Variants in LRRC4C observed in about 807,000 individuals in gnomAD.
LRRC4C encodes leucine rich repeat containing 4C.
Under a neutral mutation model 33.6 loss-of-function variants are expected in LRRC4C, and 5 were observed. That is an observed-to-expected ratio of 0.15 (90% CI 0.08 to 0.31). The LOEUF (loss-of-function observed/expected upper bound fraction) is 0.31, where lower values mean the gene tolerates loss of function less well. LRRC4C is among the 10% of genes least tolerant of loss of function. The pLI is 1.00. For synonymous variants in LRRC4C, 329 were observed against 302.0 expected (o/e 1.09, Z -0.93); for missense variants, 560 against 796.7 (o/e 0.70, Z 3.58).
chr11:41,245,318 C>T (rs1472860660), intron 1 of LRRC4C, among the ~76,000 whole-genome samples: 1 of 152,132 alleles, frequency 6.6e-6, no homozygotes, highest in Admixed American at 6.5e-5. Context: ...TGGCCTGGAT[C>T]CCATGCTTGT....
intron 3 of LRRC4C, among the ~76,000 whole-genome samples, chr11:40,524,935 G>C (rs1473153904): frequency 2.0e-5 from 3 of 152,260 alleles, no homozygotes; most frequent in Non-Finnish European, 2.9e-5. Flanking sequence ...TAAATAGAGA[G>C]ATGTTATCTA....
intron 6 of LRRC4C, among the ~76,000 whole-genome samples, chr11:40,125,846 C>T (rs1590438887): frequency 6.6e-6 from 1 of 152,174 alleles, no homozygotes; most frequent in East Asian, 1.9e-4. Context: ...AGGTAACACA[C>T]TTCTTCAAGT....
intron 2 of LRRC4C, among the ~76,000 whole-genome samples, chr11:40,756,064 G>A (rs1948931476): frequency 6.6e-6 from 1 of 152,008 alleles, no homozygotes; most frequent in African/African-American, 2.4e-5. Flanking sequence ...TGCCTAAAGG[G>A]AAGATCCTGG....
intron 3 of LRRC4C, among the ~76,000 whole-genome samples, chr11:40,548,789 C>A (rs1957024507): frequency 6.6e-6 from 1 of 152,074 alleles, no homozygotes. Flanking sequence ...CATTTTACAA[C>A]AACCCTATGT....
chr11:40,246,119 G>A (rs1381491511), intron 4 of LRRC4C, among the ~76,000 whole-genome samples: 1 of 151,736 alleles, frequency 6.6e-6, no homozygotes, highest in Non-Finnish European at 1.5e-5. Context: ...GACTACAGGT[G>A]TCCGCCACCA....
At chr11:40,303,151 GAAC>G (rs769457625) in intron 4 of LRRC4C, among the ~76,000 whole-genome samples, 6 of 152,254 alleles carry the variant, frequency 3.9e-5, no homozygotes, top group Non-Finnish European at 7.4e-5. Context: ...AATCAGAGAA[GAAC>G]AACGGAAAAC....
chr11:40,389,320 T>C (rs1271042917), intron 3 of LRRC4C, among the ~76,000 whole-genome samples: 1 of 152,144 alleles, frequency 6.6e-6, no homozygotes, highest in Non-Finnish European at 1.5e-5. Flanking sequence ...ATTGTTAATT[T>C]CATACCCAAC....
intron 1 of LRRC4C, among the ~76,000 whole-genome samples, chr11:41,151,908 G>T (rs1468582113): frequency 6.6e-6 from 1 of 152,178 alleles, no homozygotes; most frequent in Non-Finnish European, 1.5e-5. Context: ...AAAAAGTTCA[G>T]CACAGAATAC....
At chr11:40,657,986 G>C (rs1943218695) in intron 2 of LRRC4C, among the ~76,000 whole-genome samples, 1 of 152,170 alleles carries the variant, frequency 6.6e-6, no homozygotes, top group African/African-American at 2.4e-5. Context: ...TTTTCACATG[G>C]AAGTAGGTAC....
At chr11:40,770,832 C>A (rs1324897030) in intron 2 of LRRC4C, among the ~76,000 whole-genome samples, 3 of 152,166 alleles carry the variant, frequency 2.0e-5, no homozygotes, top group Admixed American at 6.5e-5. Context: ...ACATCCAGGT[C>A]ACACTGATGG....
At chr11:40,366,216 C>T (rs1186383836) in intron 3 of LRRC4C, among the ~76,000 whole-genome samples, 1 of 152,056 alleles carries the variant, frequency 6.6e-6, no homozygotes, top group Non-Finnish European at 1.5e-5. Flanking sequence ...ACCAGTATAA[C>T]ATATGCTTTC....
At chr11:40,161,642 C>T (rs991306759) in intron 5 of LRRC4C, among the ~76,000 whole-genome samples, 17 of 152,172 alleles carry the variant, frequency 1.1e-4, no homozygotes, top group African/African-American at 3.6e-4. Flanking sequence ...GTAGTCCTAA[C>T]TACTCGGGAG....
At chr11:40,655,518 T>C (rs561478707) in intron 2 of LRRC4C, among the ~76,000 whole-genome samples, 48 of 152,326 alleles carry the variant, frequency 3.2e-4, no homozygotes, top group Middle Eastern at 6.8e-3. Context: ...AGGAAAATAC[T>C]AGAAGAGATC....
chr11:40,549,770 A>G (rs920381014), intron 3 of LRRC4C, among the ~76,000 whole-genome samples: 1 of 152,152 alleles, frequency 6.6e-6, no homozygotes, highest in East Asian at 1.9e-4. Flanking sequence ...TGTCAGAAGA[A>G]AAAAAGTGAA....
At chr11:41,350,751 T>C (rs1162534272) in intron 1 of LRRC4C, among the ~76,000 whole-genome samples, 1 of 152,118 alleles carries the variant, frequency 6.6e-6, no homozygotes, top group Non-Finnish European at 1.5e-5. Context: ...CATAAAGTCA[T>C]AGAACATCAG....
intron 2 of LRRC4C, among the ~76,000 whole-genome samples, chr11:40,838,161 A>AT (rs1327646443): frequency 6.6e-6 from 1 of 152,172 alleles, no homozygotes; most frequent in African/African-American, 2.4e-5. Context: ...TTCTTTTAAC[A>AT]TTTGAAACTT....
At chr11:40,405,608 CAAAAAAA>C (rs71060958) in intron 3 of LRRC4C, among the ~76,000 whole-genome samples, 1 of 70,852 alleles carries the variant, frequency 1.4e-5, no homozygotes, top group African/African-American at 6.5e-5. Context: ...ACACTCTATC[CAAAAAAA>C]AAAAAAAAAA....
intron 1 of LRRC4C, among the ~76,000 whole-genome samples, chr11:40,993,712 A>C (rs1470674780): frequency 2.0e-5 from 3 of 152,152 alleles, no homozygotes; most frequent in Non-Finnish European, 2.9e-5. Flanking sequence ...AGAAAAACAT[A>C]GTGTTACACA....
At chr11:40,310,755 T>C (rs1168337575) in intron 4 of LRRC4C, among the ~76,000 whole-genome samples, 1 of 140,564 alleles carries the variant, frequency 7.1e-6, no homozygotes, top group Admixed American at 7.2e-5. Flanking sequence ...GCTGACTGTA[T>C]GCTGGTTTGA....
Sources: allele counts gnomAD v4.1 joint callset (sites outside exome capture counted in the v4.1 genomes callset), GRCh38; gene constraint gnomAD v4.1.1; transcripts MANE v1.5; gene names NCBI Gene and HGNC (gene_info 2026-07-23, HGNC 2026-07-21).